The following IQUB variants were observed in gnomAD, a reference collection of about 807,000 sequenced individuals.
IQUB encodes IQ motif and ubiquitin-like domain-containing protein.
IQUB carries 86 observed loss-of-function variants against 86.4 expected under a neutral mutation model. The observed-to-expected ratio is 1.00, with a 90% confidence interval of 0.84 to 1.19. IQUB has a LOEUF of 1.19. Among genes scored for constraint, IQUB ranks in the 50% most tolerant of loss-of-function variants. The probability of loss-of-function intolerance (pLI) is 0.00; values close to 1 mark genes in which losing one functional copy is unlikely to be tolerated. For synonymous variants in IQUB, 289 were observed against 304.5 expected (o/e 0.95, Z 0.53); for missense variants, 946 against 916.9 (o/e 1.03, Z -0.41).
rs751878121 is a variant in IQUB at position 123,479,850 on chromosome 7, CTA to C, written c.1353_1354del (p.His451GlnfsTer19). 11 of 1,613,160 alleles carry C rather than the reference CTA, an allele frequency of 6.8e-6. No homozygotes were observed. The South Asian group carries it at 8.8e-5, about 13-fold the overall frequency. On this transcript the variant is annotated frameshift_variant, in exon 8 of 13. Transcript: ENST00000324698. LOFTEE classifies it high-confidence loss of function. The stretch of plus-strand genomic sequence containing the variant: ...CTGATTTGCCATATAAGCAATGTAT[CTA>C]TGTCTCCCAATGGAAGCAATTATCT...
rs747901270 is a variant in IQUB at position 123,503,026 on chromosome 7, C to G, written c.785G>C (p.Gly262Ala). 8 of 1,612,896 alleles carry G rather than the reference C, an allele frequency of 5.0e-6. No homozygotes were observed. The highest frequency in any genetic ancestry group is 6.8e-6 in the Non-Finnish European group (8 of 1,179,218). The change falls in exon 5 of 13, where the codon GGA becomes GCA. Residue 262 changes from glycine (G) to alanine (A), a missense_variant. By Grantham distance (60) the Gly-to-Ala change is moderately conservative. Coordinates refer to ENST00000324698, the MANE Select transcript of IQUB (RefSeq NM_178827.5). ...FLGGFRHKVT[G>A]VEYHNAGTQT... is the part of the protein sequence containing the mutation. Reference sequence around the variant, plus strand: ...TGTTCCAGCATTGTGATACTCTACTCCTGTTACTTTATGTCTGAATCCACC... The same window carrying G: ...TGTTCCAGCATTGTGATACTCTACTGCTGTTACTTTATGTCTGAATCCACC...
chr7:123,462,836 A>AAAT (rs1287638806), intron 10 of IQUB: 1 of 455,440 alleles, frequency 2.2e-6, no homozygotes, highest in Non-Finnish European at 4.4e-6. Context: ...CACCCATCTG[A>AAAT]AATTGTGCAA....
intron 11 of IQUB, among the ~76,000 whole-genome samples, chr7:123,460,925 A>G (rs1477062603): frequency 6.6e-6 from 1 of 151,632 alleles, no homozygotes; most frequent in Non-Finnish European, 1.5e-5. Context: ...GTTGTGTGGT[A>G]TCATATCAAC....
chr7:123,458,229 C>T (rs1793809256), intron 11 of IQUB: 1 of 151,920 alleles, frequency 6.6e-6, no homozygotes, highest in Admixed American at 6.6e-5. Context: ...TCAGCTAAAA[C>T]TCTTGGAATG....
At chr7:123,523,388 T>G (rs910035347) in intron 1 of IQUB, among the ~76,000 whole-genome samples, 2 of 150,264 alleles carry the variant, frequency 1.3e-5, no homozygotes, top group African/African-American at 4.9e-5. Context: ...TTTTAATGAT[T>G]GCCATTCTAA....
chr7:123,470,956 A>G (rs1794494319), intron 8 of IQUB, among the ~76,000 whole-genome samples: 1 of 152,142 alleles, frequency 6.6e-6, no homozygotes, highest in African/African-American at 2.4e-5. Flanking sequence ...TAGCTAAATC[A>G]CATTGAGAAC....
chr7:123,489,490 G>A (rs540321077), intron 7 of IQUB, among the ~76,000 whole-genome samples: 1 of 151,642 alleles, frequency 6.6e-6, no homozygotes, highest in Non-Finnish European at 1.5e-5. Context: ...AGATAACAAA[G>A]TTATTTTATT....
intron 7 of IQUB, among the ~76,000 whole-genome samples, chr7:123,490,934 A>T (rs1267410711): frequency 1.3e-5 from 2 of 151,834 alleles, no homozygotes; most frequent in Non-Finnish European, 2.9e-5. Flanking sequence ...ATTGCACTCC[A>T]GCCTGGGCAA....
chr7:123,496,643 C>T (rs1795717760), intron 7 of IQUB, 53 bp downstream of exon 7: 2 of 1,070,644 alleles, frequency 1.9e-6, no homozygotes, highest in Admixed American at 2.9e-5. Flanking sequence ...ATCTGTTTTT[C>T]CTATTAATGA....
At chr7:123,531,254 T>C (rs1321939517) in intron 1 of IQUB, among the ~76,000 whole-genome samples, 1 of 152,136 alleles carries the variant, frequency 6.6e-6, no homozygotes, top group African/African-American at 2.4e-5. Flanking sequence ...CAGATAACAA[T>C]GTGTCTCCGT....
In IQUB at chr7:123,452,650, A is replaced by AGAT; in HGVS notation, c.*90_*92dup. The AGAT allele has an allele frequency of 1.3e-6, 1 of 747,082 alleles. No homozygotes were observed. The highest frequency in any genetic ancestry group is 2.0e-6 in the Non-Finnish European group (1 of 499,760). 46.3% of individuals were successfully genotyped at this position (747,082 alleles called of 1,614,324 possible). Reference sequence around the variant, plus strand: ...AAAACAAAAAACAAAATCAATAAACAGATTAAATTCCATTTCCATACTCTG... The same window carrying AGAT: ...AAAACAAAAAACAAAATCAATAAACAGATGATTAAATTCCATTTCCATACTCTG... On this transcript the variant is annotated 3_prime_UTR_variant, in exon 13 of 13. Coordinates refer to ENST00000324698, the MANE Select transcript of IQUB (RefSeq NM_178827.5).
intron 1 of IQUB, among the ~76,000 whole-genome samples, chr7:123,516,279 A>G (rs1584639071): frequency 6.6e-6 from 1 of 152,236 alleles, no homozygotes; most frequent in Non-Finnish European, 1.5e-5. Flanking sequence ...GTGAAAATAC[A>G]TGGGTAAATA....
intron 7 of IQUB, among the ~76,000 whole-genome samples, chr7:123,495,388 TA>T: frequency 6.6e-6 from 1 of 152,152 alleles, no homozygotes; most frequent in South Asian, 2.1e-4. Flanking sequence ...CTTATAGCTA[TA>T]AAAAGACTCA....
chr7:123,503,374 A>T lies in IQUB; in HGVS notation c.533-11T>A, dbSNP rs1796036987. ...TTTTAAGAATTTTTCCTAAAAATTGAAATAAAATTTTTAAAAGTTTTATGA... is the reference window on the plus strand; with the variant it reads ...TTTTAAGAATTTTTCCTAAAAATTGTAATAAAATTTTTAAAAGTTTTATGA... On this transcript the variant is annotated splice_polypyrimidine_tract_variant and intron_variant, in intron 3 of 12. Transcript: ENST00000324698. 1 of 1,426,464 alleles carries T rather than the reference A, an allele frequency of 7.0e-7. No individual in the cohort carries two copies. Among genetic ancestry groups the T allele is most frequent in the Non-Finnish European group, 9.5e-7 (1 of 1,049,282 alleles). 88.4% of individuals were successfully genotyped at this position (1,426,464 alleles called of 1,614,324 possible).
At chr7:123,498,773 GC>G (rs1795815502) in intron 6 of IQUB, among the ~76,000 whole-genome samples, 1 of 152,186 alleles carries the variant, frequency 6.6e-6, no homozygotes, top group South Asian at 2.1e-4. Flanking sequence ...ACTGTAAGTG[GC>G]TCACATTGTC....
At position 123,502,728 on chromosome 7, in the gene IQUB, G is replaced by A. The variant is rs774409769; in HGVS notation, c.892C>T (p.Gln298Ter). Residue 298 changes from glutamine to a stop codon, truncating the protein, a stop_gained, in exon 6 of 13, where the codon CAA (glutamine) becomes TAA (stop). Transcript: ENST00000324698. LOFTEE classifies it high-confidence loss of function. ...GTGGATGTTGTATTTGTAGTTTGTT[G>A]GAGATTTTTTTTCTGAAAAACTGTC... is the stretch of plus-strand genomic sequence containing the variant. ...TQTVFQKKNL[Q>*]QTTNTTSTQM... 3 of 1,602,088 alleles carry A rather than the reference G, an allele frequency of 1.9e-6. No individual in the cohort carries two copies. Among genetic ancestry groups the A allele is most frequent in the South Asian group, 1.1e-5 (1 of 87,568 alleles).
chr7:123,472,692 G>A (rs1794584841), intron 8 of IQUB, among the ~76,000 whole-genome samples: 1 of 152,200 alleles, frequency 6.6e-6, no homozygotes, highest in Non-Finnish European at 1.5e-5. Flanking sequence ...TAAAAAATCT[G>A]TTCAGCAAAG....
intron 1 of IQUB, among the ~76,000 whole-genome samples, chr7:123,514,532 T>C (rs1260051924): frequency 1.3e-5 from 2 of 152,024 alleles, no homozygotes; most frequent in East Asian, 3.8e-4. Context: ...TAGACAATAA[T>C]ATATAATTGA....
chr7:123,528,500 T>C (rs1037819775), intron 1 of IQUB, among the ~76,000 whole-genome samples: 3 of 152,214 alleles, frequency 2.0e-5, no homozygotes, highest in African/African-American at 7.2e-5. Flanking sequence ...GTAGGCAGTA[T>C]ATCTGGGATC....
Sources: gnomAD v4.1 joint callset for allele counts (sites outside exome capture counted in the v4.1 genomes callset) on GRCh38, gnomAD v4.1.1 for gene constraint, MANE v1.5 for transcripts, NCBI Gene and HGNC (gene_info 2026-07-23, HGNC 2026-07-21) for gene names.